Variants in ITPR1 observed in about 807,000 individuals in gnomAD.
ITPR1 encodes the protein inositol 1,4,5-trisphosphate receptor type 1, also known as inositol 1,4,5-trisphosphate-gated calcium channel ITPR1.
In ITPR1, 96 loss-of-function variants were observed where a neutral mutation model predicts 318.4. The ratio of observed to expected loss-of-function variants is 0.30; its 90% CI spans 0.26 to 0.36. ITPR1 has a LOEUF of 0.36. Ranked by LOEUF, ITPR1 falls within the 10% of genes least tolerant of loss-of-function variation. ITPR1 has a pLI of 1.00. For missense variants in ITPR1, 2,440 were observed against 3,460.2 expected, an observed-to-expected ratio of 0.71 and a Z score of 7.40; for synonymous variants, 1,312 against 1,289.9, an observed-to-expected ratio of 1.02 and a Z score of -0.37.
At chr3:4,642,826 T>C (rs1240139022) in intron 7 of ITPR1, among the ~76,000 whole-genome samples, 2 of 152,346 alleles carry the variant, frequency 1.3e-5, no homozygotes, top group African/African-American at 4.8e-5. Context: ...CTGATATTTG[T>C]TGGCTGAATT....
At chr3:4,829,581 T>C (rs958999326) in intron 60 of ITPR1, among the ~76,000 whole-genome samples, 2 of 152,216 alleles carry the variant, frequency 1.3e-5, no homozygotes, top group Non-Finnish European at 2.9e-5. Flanking sequence ...GGGCAGAAAG[T>C]ACAGAGTTCT....
Position 4,847,105 on chromosome 3 carries a change from AG to A in ITPR1, c.*881del, listed in dbSNP as rs1290766893. 7 of 152,770 alleles carry A rather than the reference AG, an allele frequency of 4.6e-5. No homozygotes were observed. The highest frequency in any genetic ancestry group is 1.7e-4 in the African/African-American group (7 of 41,580). 9.5% of individuals were successfully genotyped at this position (152,770 alleles called of 1,614,324 possible). On this transcript the variant is annotated 3_prime_UTR_variant, in exon 62 of 62. Coordinates refer to ENST00000649015, the MANE Select transcript of ITPR1 (RefSeq NM_001378452.1). ...AAGACATGCATAATTGATGGTTTCTAGATTATCTAGTCCAAACAATAGAGTT... is the reference window on the plus strand; with the variant it reads ...AAGACATGCATAATTGATGGTTTCTAATTATCTAGTCCAAACAATAGAGTT...
chr3:4,521,817 C>T (rs1231992978), intron 4 of ITPR1, among the ~76,000 whole-genome samples: 1 of 152,148 alleles, frequency 6.6e-6, no homozygotes, highest in Non-Finnish European at 1.5e-5. Flanking sequence ...CTACTGTGAA[C>T]CGAGATCGCA....
At chr3:4,792,467 C>A (rs1220854759) in intron 52 of ITPR1, among the ~76,000 whole-genome samples, 1 of 152,164 alleles carries the variant, frequency 6.6e-6, no homozygotes, top group Non-Finnish European at 1.5e-5. Context: ...GGGAGTGGCT[C>A]CTCTGGATGG....
intron 60 of ITPR1, among the ~76,000 whole-genome samples, chr3:4,832,364 A>C (rs1559976644): frequency 6.6e-6 from 1 of 152,228 alleles, no homozygotes; most frequent in Non-Finnish European, 1.5e-5. Flanking sequence ...TGGCCTGCAC[A>C]AAGTATGACC....
At chr3:4,605,447 T>C (rs577990834) in intron 4 of ITPR1, among the ~76,000 whole-genome samples, 12 of 152,268 alleles carry the variant, frequency 7.9e-5, no homozygotes, top group Admixed American at 3.3e-4. Context: ...ATAGATAAGA[T>C]AAAAGCATAG....
rs1023531199 is a variant in ITPR1, at chr3:4,815,148, C to T, written c.7797C>T (p.Asp2599=). The change falls in exon 59 of 62, where the codon GAC becomes GAT. Residue 2599 remains aspartate (D), a synonymous_variant. Transcript: ENST00000649015. ...ACCTGATTTTTGGGGTTATCATTGA[C>T]ACTTTTGCTGACCTGAGGAGTGAGA... The part of the protein sequence containing the change: ...VLNLIFGVII[D]TFADLRSEKQ... 1.9e-6 allele frequency: 3 copies of T among 1,613,944 alleles called. No individual in the cohort carries two copies. The highest frequency in any genetic ancestry group is 1.7e-5 in the Admixed American group (1 of 60,028).
At chr3:4,512,577 A>C (rs1251330231) in intron 2 of ITPR1, among the ~76,000 whole-genome samples, 1 of 152,170 alleles carries the variant, frequency 6.6e-6, no homozygotes, top group African/African-American at 2.4e-5. Flanking sequence ...ATTTGTTATG[A>C]TACACATCTG....
intron 11 of ITPR1, among the ~76,000 whole-genome samples, chr3:4,652,509 G>T (rs997709677): frequency 3.0e-4 from 45 of 151,982 alleles, no homozygotes; most frequent in African/African-American, 1.0e-3. Context: ...TTTTATATAC[G>T]ACCCTCCCCA....
intron 5 of ITPR1, among the ~76,000 whole-genome samples, chr3:4,632,702 T>C (rs1481996408): frequency 4.6e-5 from 7 of 152,148 alleles, no homozygotes; most frequent in Non-Finnish European, 7.3e-5. Flanking sequence ...CTATATGTTA[T>C]GTTTCATCAG....
rs758211415 is a variant in ITPR1, at chr3:4,733,225, G to A, written c.5353+5G>A. The stretch of plus-strand genomic sequence containing the variant: ...CCGGCAAGCCCGGGGGAGGAGGTAC[G>A]CTTTGTGGTGTAATTACCTTCGTGT... On this transcript the variant is annotated splice_donor_5th_base_variant and intron_variant, in intron 43 of 61. Transcript: ENST00000649015. 40 of 1,613,768 alleles carry A rather than the reference G, an allele frequency of 2.5e-5. No homozygotes were observed. In the Admixed American group the frequency reaches 2.7e-4, roughly 11 times the overall value.
At chr3:4,575,022 A>C (rs1010795617) in intron 4 of ITPR1, among the ~76,000 whole-genome samples, 1 of 152,250 alleles carries the variant, frequency 6.6e-6, no homozygotes, top group Non-Finnish European at 1.5e-5. Context: ...GTGCTTACAC[A>C]TGGGTGTACG....
chr3:4,549,167 A>T (rs147703755), intron 4 of ITPR1, among the ~76,000 whole-genome samples: 20 of 152,202 alleles, frequency 1.3e-4, no homozygotes, highest in Non-Finnish European at 2.5e-4. Flanking sequence ...CTAAATACCA[A>T]TTTGCCTTAT....
In ITPR1 at chr3:4,756,075, T is replaced by A. The variant is rs1226667341; in HGVS notation, c.5545-10455T>A. On this transcript the variant is annotated intron_variant, in intron 44 of 61. Coordinates refer to ENST00000649015, the MANE Select transcript of ITPR1 (RefSeq NM_001378452.1). ...TAATTTATGCCAAGGGAGGGTCCAA[T>A]TCTGAATGCCCATTGTACTCACTAT... Among the ~76,000 whole-genome samples the A allele has an allele frequency of 7.2e-5, 11 of 152,326 alleles. No individual in the cohort carries two copies. In the East Asian group the frequency reaches 2.1e-3, roughly 29 times the overall value.
intron 32 of ITPR1, among the ~76,000 whole-genome samples, chr3:4,693,226 A>T (rs2094506715): frequency 6.6e-6 from 1 of 152,232 alleles, no homozygotes; most frequent in South Asian, 2.1e-4. Context: ...TTTCCACTTG[A>T]TGCATTAATG....
intron 5 of ITPR1, among the ~76,000 whole-genome samples, chr3:4,633,729 A>C (rs1194419917): frequency 6.6e-6 from 1 of 152,222 alleles, no homozygotes; most frequent in Non-Finnish European, 1.5e-5. Flanking sequence ...GGCCATTACT[A>C]CTGTTTTCTG....
intron 2 of ITPR1, among the ~76,000 whole-genome samples, chr3:4,513,118 A>G (rs1559365436): frequency 6.6e-6 from 1 of 152,104 alleles, no homozygotes; most frequent in Non-Finnish European, 1.5e-5. Flanking sequence ...CGATCAGATA[A>G]AGAGGCGGGC....
chr3:4,542,684 G>A (rs531635262), intron 4 of ITPR1, among the ~76,000 whole-genome samples: 1 of 148,672 alleles, frequency 6.7e-6, no homozygotes, highest in African/African-American at 2.5e-5. Context: ...TGTGTGTGGC[G>A]GGGGGGTGGG....
chr3:4,569,162 G>A (rs1381129471), intron 4 of ITPR1, among the ~76,000 whole-genome samples: 1 of 152,166 alleles, frequency 6.6e-6, no homozygotes, highest in Non-Finnish European at 1.5e-5. Context: ...TCTCTTCAAG[G>A]CGCATGGACT....
Sources: allele counts gnomAD v4.1 joint callset (sites outside exome capture counted in the v4.1 genomes callset), GRCh38; gene constraint gnomAD v4.1.1; transcripts MANE v1.5; gene names NCBI Gene and HGNC (gene_info 2026-07-23, HGNC 2026-07-21).